Variants in KIF18A observed in about 807,000 individuals in gnomAD.
The protein encoded by KIF18A is kinesin-like protein KIF18A.
KIF18A carries 67 observed loss-of-function variants against 103.3 expected under a neutral mutation model. The observed-to-expected ratio is 0.65, with a 90% CI of 0.53 to 0.79. The LOEUF (loss-of-function observed/expected upper bound fraction) is 0.79, where lower values mean the gene tolerates loss of function less well. KIF18A is among the 30% of genes least tolerant of loss of function. The probability of loss-of-function intolerance (pLI) is 0.00; values close to 1 mark genes in which losing one functional copy is unlikely to be tolerated. For synonymous variants in KIF18A, 367 were observed against 355.5 expected (o/e 1.03, Z -0.36); for missense variants, 1,032 against 1,062.5 (o/e 0.97, Z 0.40).
chr11:28,047,981 T>C lies in KIF18A; in HGVS notation c.1948+10945A>G, dbSNP rs540900688. Among the ~76,000 whole-genome samples, 79 of 152,282 alleles carry C rather than the reference T, an allele frequency of 5.2e-4. 1 individual carries two copies. The highest frequency in any genetic ancestry group is 1.4e-3 in the Admixed American group (21 of 15,274). Reference sequence around the variant, plus strand: ...GCTCGTGTATGTGTATGTATGTATGTCTATGTATACATGTGTATATAGGTT... The same window carrying C: ...GCTCGTGTATGTGTATGTATGTATGCCTATGTATACATGTGTATATAGGTT... On this transcript the variant is annotated intron_variant, in intron 13 of 16. Transcript: ENST00000263181.
intron 11 of KIF18A, among the ~76,000 whole-genome samples, chr11:28,064,454 C>T (rs959831726): frequency 1.3e-5 from 2 of 151,736 alleles, no homozygotes; most frequent in African/African-American, 4.8e-5. Flanking sequence ...CATCTTTTTT[C>T]CTTTAAAAAA....
chr11:28,060,029 A>T (rs1022832356), intron 12 of KIF18A, among the ~76,000 whole-genome samples: 5 of 152,156 alleles, frequency 3.3e-5, no homozygotes, highest in Non-Finnish European at 7.4e-5. Flanking sequence ...GAGTATAAAT[A>T]ATCGTTAGGG....
At chr11:28,056,333 A>C (rs903981689) in intron 13 of KIF18A, among the ~76,000 whole-genome samples, 1 of 152,106 alleles carries the variant, frequency 6.6e-6, no homozygotes, top group Non-Finnish European at 1.5e-5. Context: ...GACTGAAATT[A>C]AAAATTTTAT....
chr11:28,085,519 G>A (rs1271491840), intron 6 of KIF18A, among the ~76,000 whole-genome samples: 1 of 152,152 alleles, frequency 6.6e-6, no homozygotes, highest in Non-Finnish European at 1.5e-5. Context: ...TAAGTGCACA[G>A]AAGAAAACAC....
At chr11:28,037,611 T>C (rs918679004) in intron 13 of KIF18A, among the ~76,000 whole-genome samples, 1 of 151,506 alleles carries the variant, frequency 6.6e-6, no homozygotes, top group African/African-American at 2.4e-5. Context: ...TGTAGTCAAT[T>C]AAGCATTCTA....
At chr11:28,087,267 G>A (rs887740715) in intron 6 of KIF18A, among the ~76,000 whole-genome samples, 3 of 151,902 alleles carry the variant, frequency 2.0e-5, no homozygotes, top group Non-Finnish European at 4.4e-5. Context: ...GGCGTGTAAT[G>A]TTCCCCTCCC....
Position 28,036,661 on chromosome 11 carries a change from G to A in KIF18A, c.1952C>T (p.Ser651Leu), listed in dbSNP as rs781348142. 14 of 1,541,882 alleles carry A rather than the reference G, an allele frequency of 9.1e-6. No homozygotes were observed. Among genetic ancestry groups the A allele is most frequent in the Admixed American group, 2.0e-5 (1 of 49,882 alleles). ...AACCAGATTAGTTCCACCTGAAGATGAGCCTATTCAAAAAAATAAAAAAAG... is the reference window on the plus strand; with the variant it reads ...AACCAGATTAGTTCCACCTGAAGATAAGCCTATTCAAAAAAATAAAAAAAG... ...LGPVQPIPCCSSSGGTNLVKI... is the reference protein window; with the variant it reads ...LGPVQPIPCCLSSGGTNLVKI... The change falls in exon 14 of 17, where the codon TCA becomes TTA. Residue 651 changes from serine to leucine, a missense_variant. Physicochemically the swap from Ser to Leu is moderately radical, Grantham distance 145. Coordinates refer to ENST00000263181, the MANE Select transcript of KIF18A (RefSeq NM_031217.4).
intron 4 of KIF18A, among the ~76,000 whole-genome samples, chr11:28,091,149 A>AATACATAC (rs370389493): frequency 2.5e-4 from 33 of 131,988 alleles, no homozygotes; most frequent in South Asian, 6.9e-4. Flanking sequence ...TAAATAAATA[A>AATACATAC]ATACATACAT....
At chr11:28,035,555 G>A in intron 14 of KIF18A, 61 bp from the exon 15 acceptor site, 1 of 925,010 alleles carries the variant, frequency 1.1e-6, no homozygotes, top group South Asian at 2.4e-5. Context: ...GAAGAGAAAA[G>A]GAAGCAAATG....
chr11:28,032,810 A>T (rs1417711628), intron 15 of KIF18A, among the ~76,000 whole-genome samples: 1 of 151,932 alleles, frequency 6.6e-6, no homozygotes, highest in Non-Finnish European at 1.5e-5. Flanking sequence ...GGACTGGACA[A>T]AGATTTCTTG....
At chr11:28,106,591 C>T (rs1041184457) in intron 1 of KIF18A, among the ~76,000 whole-genome samples, 7 of 147,890 alleles carry the variant, frequency 4.7e-5, no homozygotes, top group Non-Finnish European at 1.0e-4. Context: ...TATCGTGTCT[C>T]TTAATTGATT....
At chr11:28,106,168 A>G (rs1028302620) in intron 1 of KIF18A, among the ~76,000 whole-genome samples, 2 of 152,212 alleles carry the variant, frequency 1.3e-5, no homozygotes, top group East Asian at 1.9e-4. Context: ...AAAGTCTCCA[A>G]TGACTTCTCA....
At chr11:28,043,941 G>A (rs2133504721) in intron 13 of KIF18A, among the ~76,000 whole-genome samples, 1 of 151,832 alleles carries the variant, frequency 6.6e-6, no homozygotes, top group African/African-American at 2.4e-5. Flanking sequence ...ATAATGTTTG[G>A]GGTGGTGGGT....
At chr11:28,041,755 G>A (rs1304967757) in intron 13 of KIF18A, among the ~76,000 whole-genome samples, 1 of 151,768 alleles carries the variant, frequency 6.6e-6, no homozygotes, top group Non-Finnish European at 1.5e-5. Flanking sequence ...AGAGTGGTAG[G>A]AGCAGTGATG....
At chr11:28,045,604 C>T (rs1333953213) in intron 13 of KIF18A, among the ~76,000 whole-genome samples, 1 of 151,806 alleles carries the variant, frequency 6.6e-6, no homozygotes, top group South Asian at 2.1e-4. Flanking sequence ...TATTATATAA[C>T]ATACACATGT....
At chr11:28,059,836 T>A (rs1457421264) in intron 12 of KIF18A, among the ~76,000 whole-genome samples, 1 of 152,042 alleles carries the variant, frequency 6.6e-6, no homozygotes, top group Non-Finnish European at 1.5e-5. Flanking sequence ...AATGAAAAAT[T>A]AATATACTAT....
chr11:28,101,684 T>C lies in KIF18A; in HGVS notation c.-46-3691A>G, dbSNP rs767941288. Reference sequence around the variant, plus strand: ...AAGTGTTTGCTATTATTATTTACAGTGTAGTGAGGGAAACAGATATTAATA... The same window carrying C: ...AAGTGTTTGCTATTATTATTTACAGCGTAGTGAGGGAAACAGATATTAATA... On this transcript the variant is annotated intron_variant, in intron 1 of 16. Coordinates refer to ENST00000263181, the MANE Select transcript of KIF18A (RefSeq NM_031217.4). 3.3e-5 allele frequency among the ~76,000 whole-genome samples: 5 copies of C among 152,240 alleles called. No homozygotes were observed. In the South Asian group the frequency reaches 8.3e-4, roughly 25 times the overall value.
At chr11:28,054,914 T>C (rs927242512) in intron 13 of KIF18A, among the ~76,000 whole-genome samples, 1 of 152,208 alleles carries the variant, frequency 6.6e-6, no homozygotes, top group African/African-American at 2.4e-5. Context: ...AAGTATAGTC[T>C]GTGCAATTAT....
intron 13 of KIF18A, among the ~76,000 whole-genome samples, chr11:28,053,397 T>TG (rs1850736713): frequency 6.6e-6 from 1 of 151,654 alleles, no homozygotes; most frequent in South Asian, 2.1e-4. Flanking sequence ...TATACAAATG[T>TG]GAAAAAAAAA....
Sources: allele counts gnomAD v4.1 joint callset (sites outside exome capture counted in the v4.1 genomes callset), GRCh38; gene constraint gnomAD v4.1.1; transcripts MANE v1.5; gene names NCBI Gene and HGNC (gene_info 2026-07-23, HGNC 2026-07-21).